BCAS3: variants seen among roughly 807,000 people sequenced by gnomAD.
BCAS3 encodes BCAS4/BCAS3 fusion.
In BCAS3, 53 loss-of-function variants were observed where a neutral mutation model predicts 116.1. The ratio of observed to expected loss-of-function variants is 0.46; its 90% CI spans 0.37 to 0.57. The LOEUF is 0.57. BCAS3 is among the 20% of genes least tolerant of loss of function. The pLI is 0.00. For synonymous variants in BCAS3, 391 were observed against 408.2 expected, an observed-to-expected ratio of 0.96 and a Z score of 0.51; for missense variants, 917 against 1,165.4, an observed-to-expected ratio of 0.79 and a Z score of 3.10.
intron 6 of BCAS3, among the ~76,000 whole-genome samples, chr17:60,758,853 C>A (rs182699612): frequency 1.2e-4 from 18 of 152,168 alleles, no homozygotes; most frequent in Non-Finnish European, 2.4e-4. Flanking sequence ...ATTTTGATTT[C>A]TCTCATAATT....
At chr17:61,024,447 T>A (rs2066086490) in intron 16 of BCAS3, among the ~76,000 whole-genome samples, 1 of 152,152 alleles carries the variant, frequency 6.6e-6, no homozygotes, top group Non-Finnish European at 1.5e-5. Flanking sequence ...AGGATAACTT[T>A]AAACTAACAC....
intron 5 of BCAS3, among the ~76,000 whole-genome samples, chr17:60,725,484 G>T (rs2144122319): frequency 6.6e-6 from 1 of 152,256 alleles, no homozygotes; most frequent in South Asian, 2.1e-4. Flanking sequence ...AGTAAGATGT[G>T]AGCATTGTCT....
chr17:60,901,100 A>C (rs1174704839), intron 10 of BCAS3, among the ~76,000 whole-genome samples: 1 of 152,020 alleles, frequency 6.6e-6, no homozygotes, highest in African/African-American at 2.4e-5. Context: ...AATCCCAGCT[A>C]CTTGGGAGGC....
In BCAS3 at chr17:61,324,321, A is replaced by C. The variant is rs2055554611; in HGVS notation, c.2426-44006A>C. On this transcript the variant is annotated intron_variant, in intron 22 of 23. Transcript: ENST00000407086. The surrounding 1 kb of genome is among the most constrained non-coding windows in gnomAD (Gnocchi z 4.6). ...GAGCTAATATGTGAGGTGATCACAC[A>C]GAGGATACTAGAACTAGGATTAGAC... is the stretch of plus-strand genomic sequence containing the variant. Among the ~76,000 whole-genome samples, 1 of 152,226 alleles carries C rather than the reference A, an allele frequency of 6.6e-6. No homozygotes were observed. Among genetic ancestry groups the C allele is most frequent in the Non-Finnish European group, 1.5e-5 (1 of 68,036 alleles).
At chr17:60,841,796 C>T (rs1456774811) in intron 7 of BCAS3, among the ~76,000 whole-genome samples, 1 of 151,916 alleles carries the variant, frequency 6.6e-6, no homozygotes, top group Non-Finnish European at 1.5e-5. Context: ...GGGGAGATTC[C>T]ACTTCTAGCC....
Position 60,748,323 on chromosome 17 carries a change from A to C in BCAS3, c.403+1044A>C, listed in dbSNP as rs118049541. On this transcript the variant is annotated intron_variant, in intron 6 of 23. Coordinates refer to ENST00000407086, the MANE Select transcript of BCAS3 (RefSeq NM_017679.5). The stretch of plus-strand genomic sequence containing the variant: ...GCAACAGTATCTTGCAGTCACATGT[A>C]GATTTTCTCCCTTGCTATTCAACTC... Among the ~76,000 whole-genome samples, 429 of 152,326 alleles carry C rather than the reference A, an allele frequency of 2.8e-3. 1 individual carries two copies. The highest frequency in any genetic ancestry group is 0.01 in the Middle Eastern group (3 of 294).
chr17:61,116,927 C>G (rs2075500041), intron 22 of BCAS3, among the ~76,000 whole-genome samples: 1 of 152,016 alleles, frequency 6.6e-6, no homozygotes, highest in Non-Finnish European at 1.5e-5. Context: ...TTTTCTTTGT[C>G]TTTCATTTTC....
chr17:61,103,496 G>T (rs1181964314), intron 22 of BCAS3, among the ~76,000 whole-genome samples: 1 of 152,204 alleles, frequency 6.6e-6, no homozygotes, highest in East Asian at 1.9e-4. Flanking sequence ...TCTTAAAAAA[G>T]AACCTCAAAA....
At chr17:61,069,776 C>T (rs2071119378) in intron 19 of BCAS3, 2 of 653,040 alleles carry the variant, frequency 3.1e-6, no homozygotes, top group African/African-American at 1.9e-5. Flanking sequence ...GTGGAGGCTG[C>T]AGTGAGCCGA....
intron 14 of BCAS3, chr17:60,980,590 T>G (rs1468021676): frequency 6.6e-6 from 1 of 150,822 alleles, no homozygotes; most frequent in Non-Finnish European, 1.5e-5. Flanking sequence ...TAAAATGCAG[T>G]GCTGCAATCA....
chr17:60,855,409 AT>A (rs2053586047), intron 7 of BCAS3, among the ~76,000 whole-genome samples: 2 of 144,256 alleles, frequency 1.4e-5, no homozygotes, highest in Admixed American at 1.4e-4. Flanking sequence ...GAGTGATCCC[AT>A]TTGTCTTTAT....
At chr17:60,684,430 T>A (rs1052716485) in intron 3 of BCAS3, among the ~76,000 whole-genome samples, 1 of 152,180 alleles carries the variant, frequency 6.6e-6, no homozygotes, top group Non-Finnish European at 1.5e-5. Context: ...AATCTACATC[T>A]CTTTTATATT....
intron 10 of BCAS3, 87 bp from the exon 11 acceptor site, chr17:60,902,533 C>T (rs1166291427): frequency 9.1e-6 from 10 of 1,100,968 alleles, no homozygotes; most frequent in East Asian, 2.4e-5. Context: ...TCACTGTTCA[C>T]GGAAAATAAG....
intron 7 of BCAS3, among the ~76,000 whole-genome samples, chr17:60,852,434 A>G (rs933846703): frequency 1.3e-5 from 2 of 152,238 alleles, no homozygotes; most frequent in African/African-American, 4.8e-5. Flanking sequence ...GGATGTGTGT[A>G]ACAGCTTATC....
chr17:61,014,831 T>C (rs775814025), intron 15 of BCAS3, among the ~76,000 whole-genome samples: 2 of 152,158 alleles, frequency 1.3e-5, no homozygotes, highest in African/African-American at 2.4e-5. Flanking sequence ...TGTATTTCTA[T>C]ACATTAACAA....
intron 6 of BCAS3, among the ~76,000 whole-genome samples, chr17:60,766,508 G>T (rs1311393212): frequency 6.6e-6 from 1 of 152,134 alleles, no homozygotes; most frequent in Non-Finnish European, 1.5e-5. Context: ...CTTTGCCTGG[G>T]TACCACCAGC....
rs2057565911 is a variant in BCAS3 at position 61,347,376 on chromosome 17, C to T, written c.2426-20951C>T. Among the ~76,000 whole-genome samples the T allele has an allele frequency of 6.6e-6, 1 of 152,202 alleles. No individual in the cohort carries two copies. The highest frequency in any genetic ancestry group is 1.5e-5 in the Non-Finnish European group (1 of 68,032). ...GGATTATAGGCATGAGCCACCGCAC[C>T]CGGCCAGAATCACTCTTCAGATATT... On this transcript the variant is annotated intron_variant, in intron 22 of 23. Coordinates refer to ENST00000407086, the MANE Select transcript of BCAS3 (RefSeq NM_017679.5). This position sits in a 1 kb window ranked among gnomAD's most constrained non-coding sequence, Gnocchi z 4.3.
chr17:60,796,819 T>C (rs2047251557), intron 6 of BCAS3, among the ~76,000 whole-genome samples: 1 of 152,180 alleles, frequency 6.6e-6, no homozygotes, highest in South Asian at 2.1e-4. Flanking sequence ...CAGTTTGTGC[T>C]CTTTCAGGCT....
At position 61,327,217 on chromosome 17, in the gene BCAS3, A is replaced by T. The variant is rs2055808327; in HGVS notation, c.2426-41110A>T. On this transcript the variant is annotated intron_variant, in intron 22 of 23. Transcript: ENST00000407086. This position sits in a 1 kb window ranked among gnomAD's most constrained non-coding sequence, Gnocchi z 5.9. ...ACTAGGGAGGCTGAGGCAGGAGATC[A>T]CTTGAACTCAGGAGGTAGAGGTTGC... Among the ~76,000 whole-genome samples the T allele has an allele frequency of 6.6e-6, 1 of 152,074 alleles. No individual in the cohort carries two copies. The highest frequency in any genetic ancestry group is 2.4e-5 in the African/African-American group (1 of 41,410).
Sources: allele counts gnomAD v4.1 joint callset (sites outside exome capture counted in the v4.1 genomes callset), GRCh38; gene constraint gnomAD v4.1.1; non-coding constraint Gnocchi (gnomAD v3.1); transcripts MANE v1.5; gene names NCBI Gene and HGNC (gene_info 2026-07-23, HGNC 2026-07-21).